OTOF: variants seen among roughly 807,000 people sequenced by gnomAD.
OTOF encodes the protein otoferlin.
Under a neutral mutation model 236.8 loss-of-function variants are expected in OTOF, and 218 were observed. The ratio of observed to expected loss-of-function variants is 0.92; its 90% confidence interval spans 0.82 to 1.03. The LOEUF is 1.03. Ranked by LOEUF, OTOF falls within the 50% of genes least tolerant of loss-of-function variation. The pLI is 0.00. For synonymous variants in OTOF, 1,041 were observed against 1,072.5 expected (o/e 0.97, Z 0.57); for missense variants, 2,590 against 2,694.4 (o/e 0.96, Z 0.86).
In OTOF at chr2:26,553,582, C is replaced by A. The variant is rs981715469; in HGVS notation, c.79+4911G>T. On this transcript the variant is annotated intron_variant, in intron 1 of 46. Transcript: ENST00000272371. ...TGTCAGATGGTGAGATCCTGCCCCACGTGTGGTCGCAGTAAGGCTCGGAAA... is the reference window on the plus strand; with the variant it reads ...TGTCAGATGGTGAGATCCTGCCCCAAGTGTGGTCGCAGTAAGGCTCGGAAA... Among the ~76,000 whole-genome samples the A allele has an allele frequency of 2.0e-5, 3 of 152,348 alleles. No individual in the cohort carries two copies. In the East Asian group the frequency reaches 5.8e-4, roughly 29 times the overall value.
intron 1 of OTOF, among the ~76,000 whole-genome samples, chr2:26,538,504 A>G (rs984392017): frequency 4.6e-5 from 7 of 152,200 alleles, no homozygotes; most frequent in African/African-American, 1.7e-4. Context: ...GCCACCCACT[A>G]GGGCATGTTG....
intron 8 of OTOF, among the ~76,000 whole-genome samples, chr2:26,498,067 G>A (rs867155953): frequency 6.6e-6 from 1 of 152,230 alleles, no homozygotes; most frequent in African/African-American, 2.4e-5. Context: ...CCAGCAGCAA[G>A]TCCTCTTCCC....
rs1487773561 is a variant in OTOF, at chr2:26,465,960, A to G, written c.4617T>C (p.Pro1539=). Residue 1539 remains proline (P), a synonymous_variant, in exon 37 of 47, where the codon CCT becomes CCC. Transcript: ENST00000272371. The part of the protein sequence containing the change: ...KENYISKQLN[P]VFGKSFDIEA... ...CCAAGAAGCCTTACTTCCCAAAGAC[A>G]GGGTTGAGCTGCTTGGAGATGTAGT... 6.2e-7 allele frequency: 1 copy of G among 1,614,218 alleles called. No individual in the cohort carries two copies. Among genetic ancestry groups the G allele is most frequent in the Non-Finnish European group, 8.5e-7 (1 of 1,180,028 alleles).
intron 13 of OTOF, 35 bp from the exon 14 acceptor site, chr2:26,482,627 A>ATGTGTGTGTGAGTGGGTGCATGTG: frequency 6.3e-7 from 1 of 1,586,106 alleles, no homozygotes; most frequent in Non-Finnish European, 8.6e-7. Context: ...AGGGCGTGGC[A>ATGTGTGTGTGAGTGGGTGCATGTG]TGTGTGTGTG....
In OTOF at chr2:26,470,855, A is replaced by G; in HGVS notation, c.3895-134T>C. The G allele has an allele frequency of 2.0e-6, 3 of 1,486,998 alleles. No homozygotes were observed. Among genetic ancestry groups the G allele is most frequent in the Non-Finnish European group, 2.7e-6 (3 of 1,099,908 alleles). 92.1% of individuals were successfully genotyped at this position (1,486,998 alleles called of 1,614,324 possible). On this transcript the variant is annotated intron_variant, in intron 31 of 46. Transcript: ENST00000272371. The surrounding 1 kb of genome is among the most constrained non-coding windows in gnomAD (Gnocchi z 4.3). ...AGGCTCTGTGGGGCCACCCATGTCC[A>G]AGGGGCAGGGCCTTATTTTATGGAG...
intron 22 of OTOF, 82 bp downstream of exon 22, chr2:26,476,809 C>A (rs948200196): frequency 4.4e-5 from 57 of 1,307,132 alleles, no homozygotes; most frequent in Non-Finnish European, 6.2e-5. Context: ...CCCACCCTGT[C>A]ACTCAGGCTT....
At chr2:26,496,991 T>C (rs747260107) in intron 8 of OTOF, among the ~76,000 whole-genome samples, 70 of 152,124 alleles carry the variant, frequency 4.6e-4, no homozygotes, top group Non-Finnish European at 8.5e-4. Context: ...TTGTGCATGA[T>C]ACTTAGAATG....
At chr2:26,540,044 G>A (rs895866975) in intron 1 of OTOF, among the ~76,000 whole-genome samples, 4 of 151,976 alleles carry the variant, frequency 2.6e-5, no homozygotes, top group Non-Finnish European at 5.9e-5. Flanking sequence ...AATGATTCTC[G>A]TGCCTCAGCC....
At chr2:26,503,936 A>C in intron 5 of OTOF, 91 bp from the exon 6 acceptor site, 3 of 1,143,796 alleles carry the variant, frequency 2.6e-6, no homozygotes, top group Non-Finnish European at 2.6e-6. Context: ...GAGAGAACAC[A>C]TCAGAGAAGG....
chr2:26,474,115 G>C lies in OTOF; in HGVS notation c.3289-5C>G. The C allele has an allele frequency of 1.9e-6, 3 of 1,612,832 alleles. No individual in the cohort carries two copies. The highest frequency in any genetic ancestry group is 2.5e-6 in the Non-Finnish European group (3 of 1,179,828). ...AGCCTTCCCTGCTGGTCCAATCTGG[G>C]GAATGGGGGTCACAGGTCACACACT... On this transcript the variant is annotated splice_polypyrimidine_tract_variant and splice_region_variant and intron_variant, in intron 26 of 46. Coordinates refer to ENST00000272371, the MANE Select transcript of OTOF (RefSeq NM_194248.3).
intron 4 of OTOF, 91 bp downstream of exon 4, chr2:26,518,919 T>TC (rs1666603132): frequency 2.2e-6 from 2 of 913,158 alleles, no homozygotes; most frequent in Non-Finnish European, 1.8e-6. Flanking sequence ...TGAGAGGCAT[T>TC]CCCCAGACCA....
At chr2:26,528,665 C>G (rs1666868321) in intron 2 of OTOF, among the ~76,000 whole-genome samples, 1 of 152,188 alleles carries the variant, frequency 6.6e-6, no homozygotes, top group Non-Finnish European at 1.5e-5. Flanking sequence ...CTAAAGTGGC[C>G]CAGTGCCCCA....
chr2:26,549,454 C>G (rs552161884), intron 1 of OTOF, among the ~76,000 whole-genome samples: 1 of 152,176 alleles, frequency 6.6e-6, no homozygotes, highest in Non-Finnish European at 1.5e-5. Context: ...CTCTGAAAAT[C>G]ACCAATGACT....
chr2:26,478,005 G>C, intron 18 of OTOF: 2 of 1,449,444 alleles, frequency 1.4e-6, no homozygotes, highest in Admixed American at 5.6e-5. Flanking sequence ...TGAGTCTGTG[G>C]CTCTGGTGAG....
At chr2:26,506,550 C>T (rs1254831990) in intron 5 of OTOF, among the ~76,000 whole-genome samples, 1 of 152,202 alleles carries the variant, frequency 6.6e-6, no homozygotes, top group Non-Finnish European at 1.5e-5. Context: ...TGCAAGGTAG[C>T]AAGAAATAGT....
intron 3 of OTOF, among the ~76,000 whole-genome samples, chr2:26,522,042 C>A (rs1474641076): frequency 1.3e-5 from 2 of 152,180 alleles, no homozygotes; most frequent in Non-Finnish European, 2.9e-5. Flanking sequence ...CAGTCCCCCA[C>A]CCTTCAAGCT....
At position 26,464,952 on chromosome 2, in the gene OTOF, T is replaced by C. The variant is rs2148026370; in HGVS notation, c.4877A>G (p.Asp1626Gly). ...LTRLCKDGKV[D>G]GPHFGPPGRV... Reference sequence around the variant, plus strand: ...CCCAGGGGGCCCAAAGTGGGGGCCGTCCACTTTGCCGTCTTTGCAGAGGCG... The same window carrying C: ...CCCAGGGGGCCCAAAGTGGGGGCCGCCCACTTTGCCGTCTTTGCAGAGGCG... The change falls in exon 39 of 47, where the codon GAC (aspartate) becomes GGC (glycine). Residue 1626 changes from aspartate to glycine, a missense_variant. Coordinates refer to ENST00000272371, the MANE Select transcript of OTOF (RefSeq NM_194248.3). The C allele has an allele frequency of 1.9e-6, 3 of 1,570,610 alleles. No individual in the cohort carries two copies. Among genetic ancestry groups the C allele is most frequent in the South Asian group, 1.2e-5 (1 of 83,694 alleles).
intron 1 of OTOF, among the ~76,000 whole-genome samples, chr2:26,556,895 C>T (rs995363803): frequency 1.3e-5 from 2 of 152,340 alleles, no homozygotes; most frequent in African/African-American, 4.8e-5. Flanking sequence ...CTCAGGGCCA[C>T]ATTTCACAGA....
intron 1 of OTOF, among the ~76,000 whole-genome samples, chr2:26,538,163 C>G (rs1265648624): frequency 3.3e-5 from 5 of 152,204 alleles, no homozygotes; most frequent in Non-Finnish European, 7.3e-5. Flanking sequence ...GCCCTGCTGC[C>G]CTGAGCAGAA....
Sources: allele counts gnomAD v4.1 joint callset (sites outside exome capture counted in the v4.1 genomes callset), GRCh38; gene constraint gnomAD v4.1.1; non-coding constraint Gnocchi (gnomAD v3.1); transcripts MANE v1.5; gene names NCBI Gene and HGNC (gene_info 2026-07-23, HGNC 2026-07-21).